PRMT8: variants seen among roughly 807,000 people sequenced by gnomAD.
The protein encoded by PRMT8 is protein arginine N-methyltransferase 8.
Under a neutral mutation model 47.1 loss-of-function variants are expected in PRMT8, and 7 were observed. The observed-to-expected ratio is 0.15, with a 90% CI of 0.08 to 0.28. The LOEUF is 0.28. Ranked by LOEUF, PRMT8 falls within the 10% of genes least tolerant of loss-of-function variation. The pLI, the probability that PRMT8 is intolerant of heterozygous loss-of-function variation, is 1.00. For synonymous variants in PRMT8, 188 were observed against 186.5 expected (o/e 1.01, Z -0.07); for missense variants, 237 against 505.4 (o/e 0.47, Z 5.09).
chr12:3,561,801 T>C (rs1009077345), intron 4 of PRMT8, among the ~76,000 whole-genome samples: 1 of 152,238 alleles, frequency 6.6e-6, no homozygotes, highest in African/African-American at 2.4e-5. Flanking sequence ...GGCTGTGCTC[T>C]TGGATGACTT....
intron 1 of PRMT8, among the ~76,000 whole-genome samples, chr12:3,512,938 C>A (rs551814142): frequency 3.3e-5 from 5 of 152,138 alleles, no homozygotes; most frequent in Non-Finnish European, 7.3e-5. Context: ...TGTGAATGAA[C>A]CCACTTTAGA....
Position 3,414,873 on chromosome 12 carries a change from G to A in PRMT8, c.48+33431G>A, listed in dbSNP as rs551191510. Among the ~76,000 whole-genome samples, 6 of 152,156 alleles carry A rather than the reference G, an allele frequency of 3.9e-5. No individual in the cohort carries two copies. The East Asian group carries it at 9.7e-4, about 25-fold the overall frequency. ...TTGTATCCCCACTGCTCAGTCGCTT[G>A]TGTTGCTCTACCAGCTGCAGTCTTT... On this transcript the variant is annotated intron_variant, in intron 1 of 9. Coordinates refer to the PRMT8 transcript ENST00000452611.
chr12:3,584,221 G>A (rs990931593), intron 8 of PRMT8, among the ~76,000 whole-genome samples: 10 of 152,194 alleles, frequency 6.6e-5, no homozygotes, highest in Non-Finnish European at 1.3e-4. Flanking sequence ...TCTTTCCTCT[G>A]TGCTCATGAG....
At chr12:3,584,393 AG>A (rs1328592359) in intron 8 of PRMT8, among the ~76,000 whole-genome samples, 1 of 152,204 alleles carries the variant, frequency 6.6e-6, no homozygotes, top group Non-Finnish European at 1.5e-5. Context: ...GGGACAATTC[AG>A]GTGGTAACAC....
upstream of PRMT8, among the ~76,000 whole-genome samples, chr12:3,490,300 C>G (rs376650005): frequency 2.0e-5 from 3 of 151,918 alleles, no homozygotes; most frequent in African/African-American, 7.3e-5. Context: ...TCCCACTGCC[C>G]GACAGATGGC....
intron 1 of PRMT8, among the ~76,000 whole-genome samples, chr12:3,413,269 A>G (rs1336071937): frequency 6.6e-6 from 1 of 152,140 alleles, no homozygotes; most frequent in Non-Finnish European, 1.5e-5. Flanking sequence ...GTTCCCGTGA[A>G]CAAGCTCTCT....
At chr12:3,434,711 G>A (rs1160766564) in intron 1 of PRMT8, among the ~76,000 whole-genome samples, 1 of 150,704 alleles carries the variant, frequency 6.6e-6, no homozygotes, top group African/African-American at 2.4e-5. Context: ...GTGGGTGTGT[G>A]TTGGAGGGGA....
intron 1 of PRMT8, among the ~76,000 whole-genome samples, chr12:3,401,743 A>T (rs1864319378): frequency 6.6e-6 from 1 of 152,164 alleles, no homozygotes; most frequent in Admixed American, 6.5e-5. Context: ...CAAAAAGAAT[A>T]AAATACTTAG....
intron 1 of PRMT8, among the ~76,000 whole-genome samples, chr12:3,383,533 C>A (rs750170899): frequency 6.6e-6 from 1 of 152,198 alleles, no homozygotes; most frequent in Non-Finnish European, 1.5e-5. Context: ...GGGCAGAGCC[C>A]TCATTAATGA....
Position 3,540,615 on chromosome 12 carries a change from C to CCCCCCACA in PRMT8, c.90_91insACACCCCC (p.Ser31ThrfsTer38). ...CTTCTCTTCCCCTCAGGTGAACAGC[C>CCCCCCACA]CCCCCTCCCAGCCCCCCCAGCCCGT... On this transcript the variant is annotated frameshift_variant, in exon 2 of 10. Coordinates refer to ENST00000382622, the MANE Select transcript of PRMT8 (RefSeq NM_019854.5). LOFTEE classifies it high-confidence loss of function. 2 of 1,058,778 alleles carry CCCCCCACA rather than the reference C, an allele frequency of 1.9e-6. No homozygotes were observed. Among genetic ancestry groups the CCCCCCACA allele is most frequent in the African/African-American group, 1.6e-5 (1 of 63,674 alleles). 65.6% of individuals were successfully genotyped at this position (1,058,778 alleles called of 1,614,324 possible). A position where few individuals can be genotyped will look rare whatever the true frequency, so the allele number is the denominator to read the frequency against.
At chr12:3,406,037 G>T (rs1440872177) in intron 1 of PRMT8, among the ~76,000 whole-genome samples, 2 of 152,344 alleles carry the variant, frequency 1.3e-5, no homozygotes, top group East Asian at 3.9e-4. Context: ...GGACATTCAG[G>T]ATTTCCATAC....
chr12:3,401,349 C>G (rs1407949349), intron 1 of PRMT8, among the ~76,000 whole-genome samples: 2 of 151,826 alleles, frequency 1.3e-5, no homozygotes, highest in African/African-American at 2.4e-5. Flanking sequence ...CCATGTATGA[C>G]CAACCCACAG....
chr12:3,546,449 G>T (rs2137171912), intron 2 of PRMT8, among the ~76,000 whole-genome samples: 1 of 151,962 alleles, frequency 6.6e-6, no homozygotes, highest in South Asian at 2.1e-4. Context: ...GATTAATCAA[G>T]AAAAAAAGAG....
intron 1 of PRMT8, among the ~76,000 whole-genome samples, chr12:3,475,471 A>G (rs569122444): frequency 4.0e-4 from 61 of 152,304 alleles, no homozygotes; most frequent in African/African-American, 1.4e-3. Flanking sequence ...TTTCCAGCAG[A>G]TCACAAGTGA....
Position 3,535,827 on chromosome 12 carries a change from C to A in PRMT8, c.76-4779C>A, listed in dbSNP as rs1866108426. On this transcript the variant is annotated intron_variant, in intron 1 of 9. Transcript: ENST00000382622. This position sits in a 1 kb window ranked among gnomAD's most constrained non-coding sequence, Gnocchi z 4.7. ...TCCAGCTGCCCATCCGAGTGTGATT[C>A]CAAATCCTTTTGCTGACTTCTCAGA... Among the ~76,000 whole-genome samples the A allele has an allele frequency of 6.6e-6, 1 of 152,150 alleles. No individual in the cohort carries two copies. Among genetic ancestry groups the A allele is most frequent in the Non-Finnish European group, 1.5e-5 (1 of 68,032 alleles).
intron 6 of PRMT8, among the ~76,000 whole-genome samples, chr12:3,574,351 T>C (rs1866902138): frequency 6.6e-6 from 1 of 152,260 alleles, no homozygotes; most frequent in Non-Finnish European, 1.5e-5. Flanking sequence ...CTGTATAGAT[T>C]TGTAAAACTC....
chr12:3,453,516 C>T lies in PRMT8; in HGVS notation c.48+72074C>T, dbSNP rs2137082009. Reference sequence around the variant, plus strand: ...TGCCGTAGGACATGATTTCTGACCTCAGAGGCCCTGCTTTCTCCTGGGGAA... The same window carrying T: ...TGCCGTAGGACATGATTTCTGACCTTAGAGGCCCTGCTTTCTCCTGGGGAA... On this transcript the variant is annotated intron_variant, in intron 1 of 9. Transcript: ENST00000452611. This position sits in a 1 kb window ranked among gnomAD's most constrained non-coding sequence, Gnocchi z 4.9. Among the ~76,000 whole-genome samples the T allele has an allele frequency of 6.6e-6, 1 of 152,330 alleles. No individual in the cohort carries two copies.
chr12:3,393,025 T>A (rs558273118), intron 1 of PRMT8, among the ~76,000 whole-genome samples: 1 of 152,232 alleles, frequency 6.6e-6, no homozygotes, highest in Non-Finnish European at 1.5e-5. Context: ...GAGAAGTGTC[T>A]GTTCATGTCC....
At position 3,585,235 on chromosome 12, in the gene PRMT8, G is replaced by T. The variant is rs1481759208; in HGVS notation, c.979+2027G>T. On this transcript the variant is annotated intron_variant, in intron 8 of 9. Transcript: ENST00000382622. ...CTGGGAATTGGGAGCATGTCATCAG[G>T]GGGTGAGGAGGTGAGTAGTTGTATG... Among the ~76,000 whole-genome samples, 5 of 152,244 alleles carry T rather than the reference G, an allele frequency of 3.3e-5. 1 individual carries two copies. The South Asian group carries it at 8.3e-4, about 25-fold the overall frequency.
Sources: gnomAD v4.1 joint callset for allele counts (sites outside exome capture counted in the v4.1 genomes callset) on GRCh38, gnomAD v4.1.1 for gene constraint, Gnocchi (gnomAD v3.1) non-coding constraint, MANE v1.5 for transcripts, NCBI Gene and HGNC (gene_info 2026-07-23, HGNC 2026-07-21) for gene names.